Variants in LPP observed in about 807,000 individuals in gnomAD.
LPP encodes lipoma-preferred partner.
Under a neutral mutation model 60.4 loss-of-function variants are expected in LPP, and 38 were observed. The observed-to-expected ratio is 0.63, with a 90% confidence interval of 0.49 to 0.83. The LOEUF (loss-of-function observed/expected upper bound fraction) is 0.83. Ranked by LOEUF, LPP falls within the 40% of genes least tolerant of loss-of-function variation. The pLI is 0.00. For missense variants in LPP, 902 were observed against 783.6 expected (o/e 1.15, Z -1.80); for synonymous variants, 328 against 290.8 (o/e 1.13, Z -1.30).
intron 7 of LPP, among the ~76,000 whole-genome samples, chr3:188,698,999 A>G (rs1486372642): frequency 1.3e-5 from 2 of 152,220 alleles, no homozygotes; most frequent in African/African-American, 4.8e-5. Flanking sequence ...TTCTGCTTCC[A>G]AGAAGAAAAT....
intron 4 of LPP, among the ~76,000 whole-genome samples, chr3:188,460,582 G>T (rs1202655515): frequency 1.3e-5 from 2 of 152,122 alleles, no homozygotes; most frequent in Admixed American, 1.3e-4. Context: ...TCCAGCTTCT[G>T]TGTTATTACT....
At chr3:188,334,936 A>G (rs1046393300) in intron 2 of LPP, among the ~76,000 whole-genome samples, 8 of 152,160 alleles carry the variant, frequency 5.3e-5, no homozygotes, top group African/African-American at 1.7e-4. Flanking sequence ...ATGGATGTCC[A>G]GTTTTCCCAG....
chr3:188,240,184 T>G (rs146910763), intron 2 of LPP: 5 of 182,274 alleles, frequency 2.7e-5, no homozygotes, highest in East Asian at 9.0e-5. Flanking sequence ...GTGTAAATGA[T>G]ATCTGTGTGT....
chr3:188,624,557 T>C (rs571071566), intron 7 of LPP, among the ~76,000 whole-genome samples: 14 of 152,184 alleles, frequency 9.2e-5, no homozygotes, highest in Non-Finnish European at 2.1e-4. Context: ...GGGAGAACCA[T>C]GGAAGTGCGA....
chr3:188,511,120 T>G (rs1382060564), intron 5 of LPP, among the ~76,000 whole-genome samples: 1 of 100,352 alleles, frequency 1.0e-5, no homozygotes, highest in Non-Finnish European at 2.0e-5. Flanking sequence ...CCTCCTTCCT[T>G]CCTACCTGCT....
intron 2 of LPP, among the ~76,000 whole-genome samples, 200 bp downstream of exon 2, chr3:188,225,727 AT>A (rs1346165344): frequency 6.6e-6 from 1 of 152,212 alleles, no homozygotes; most frequent in Non-Finnish European, 1.5e-5. Flanking sequence ...AACCATGCTA[AT>A]AAAATGTGTG....
At chr3:188,731,117 CTT>C (rs990824218) in intron 8 of LPP, among the ~76,000 whole-genome samples, 3 of 152,206 alleles carry the variant, frequency 2.0e-5, no homozygotes, top group African/African-American at 7.2e-5. Flanking sequence ...ACATGGTCCT[CTT>C]TGGGAGGCAT....
chr3:188,348,618 T>C (rs573060032), intron 3 of LPP, among the ~76,000 whole-genome samples: 68 of 152,336 alleles, frequency 4.5e-4, no homozygotes, highest in African/African-American at 1.6e-3. Flanking sequence ...GTCTCTTGCT[T>C]CTCAAAGTTT....
intron 2 of LPP, among the ~76,000 whole-genome samples, chr3:188,252,858 G>A (rs146207285): frequency 0.012 from 1,839 of 152,118 alleles, 28 homozygotes; most frequent in African/African-American, 0.041. Flanking sequence ...TGCGATCTCC[G>A]CCTCCCAGGT....
chr3:188,351,856 G>T (rs566130032), intron 3 of LPP, among the ~76,000 whole-genome samples: 1 of 152,148 alleles, frequency 6.6e-6, no homozygotes, highest in Non-Finnish European at 1.5e-5. Context: ...TGGGGGACTT[G>T]TGGTCACCCG....
At chr3:188,347,997 G>A (rs1303638914) in intron 3 of LPP, among the ~76,000 whole-genome samples, 2 of 152,054 alleles carry the variant, frequency 1.3e-5, no homozygotes, top group African/African-American at 4.8e-5. Context: ...CCTTTCCGTT[G>A]GCATATACTC....
rs975756479 is a variant in LPP, at chr3:188,812,195, A to G, written c.1410+51913A>G. Among the ~76,000 whole-genome samples, 8 of 152,282 alleles carry G rather than the reference A, an allele frequency of 5.3e-5. No homozygotes were observed. The East Asian group carries it at 1.3e-3, about 26-fold the overall frequency. ...TATAGTTGATGATCTAAGCAATAAG[A>G]AATAAAGTAAAATCTGGATAATTTT... On this transcript the variant is annotated intron_variant, in intron 9 of 11. Coordinates refer to ENST00000617246, the MANE Select transcript of LPP (RefSeq NM_001375462.1).
chr3:188,194,997 G>A (rs1359193291), intron 1 of LPP, among the ~76,000 whole-genome samples: 2 of 152,144 alleles, frequency 1.3e-5, no homozygotes, highest in East Asian at 1.9e-4. Flanking sequence ...GGTGGCTCAC[G>A]CCTGTAATCC....
chr3:188,509,074 A>T (rs188826661), intron 5 of LPP, among the ~76,000 whole-genome samples: 1 of 152,152 alleles, frequency 6.6e-6, no homozygotes, highest in Non-Finnish European at 1.5e-5. Flanking sequence ...TCCTTTCAAA[A>T]CTCCAGTATT....
At chr3:188,829,561 T>TGA (rs1187945536) in intron 9 of LPP, among the ~76,000 whole-genome samples, 1 of 152,194 alleles carries the variant, frequency 6.6e-6, no homozygotes, top group African/African-American at 2.4e-5. Flanking sequence ...AGTCACTGTG[T>TGA]GAGGTACAAA....
chr3:188,195,650 G>A (rs552970054), intron 1 of LPP, among the ~76,000 whole-genome samples: 16 of 152,298 alleles, frequency 1.1e-4, no homozygotes, highest in African/African-American at 3.8e-4. Flanking sequence ...TAACACACCA[G>A]ATTTCAAAGG....
At chr3:188,514,347 A>G (rs1816695178) in intron 5 of LPP, among the ~76,000 whole-genome samples, 1 of 151,134 alleles carries the variant, frequency 6.6e-6, no homozygotes, top group South Asian at 2.1e-4. Context: ...CTCCTGTTGT[A>G]TGTTTGGATT....
At position 188,621,700 on chromosome 3, in the gene LPP, G is replaced by A. The variant is rs1055471256; in HGVS notation, c.1113+11856G>A. Among the ~76,000 whole-genome samples the A allele has an allele frequency of 9.2e-5, 14 of 151,852 alleles. No homozygotes were observed. In the East Asian group the frequency reaches 1.7e-3, roughly 19 times the overall value. ...TTTTGAGATGGGGTCTCATTCTGTC[G>A]CCCAGGCTGGATTGCAGTGGTGCAG... On this transcript the variant is annotated intron_variant, in intron 7 of 11. Coordinates refer to ENST00000617246, the MANE Select transcript of LPP (RefSeq NM_001375462.1).
chr3:188,541,810 T>C (rs1369831395), intron 6 of LPP, among the ~76,000 whole-genome samples: 1 of 151,994 alleles, frequency 6.6e-6, no homozygotes, highest in Non-Finnish European at 1.5e-5. Flanking sequence ...GGCAGGAGAA[T>C]TGCTTGAACT....
Sources: allele counts gnomAD v4.1 joint callset (sites outside exome capture counted in the v4.1 genomes callset), GRCh38; gene constraint gnomAD v4.1.1; transcripts MANE v1.5; gene names NCBI Gene and HGNC (gene_info 2026-07-23, HGNC 2026-07-21).